The following RASSF3 variants were observed in gnomAD, a reference collection of about 807,000 sequenced individuals.
RASSF3 encodes the protein Ras association domain family member 3.
In RASSF3, 19 loss-of-function variants were observed where a neutral mutation model predicts 19.9. That is an observed-to-expected ratio of 0.96 (90% CI 0.67 to 1.40). The LOEUF (loss-of-function observed/expected upper bound fraction) is 1.40. Ranked by LOEUF, RASSF3 falls within the 40% of genes most tolerant of loss-of-function variation. RASSF3 has a pLI of 0.00. For missense variants in RASSF3, 306 were observed against 289.8 expected (o/e 1.06, Z -0.41); for synonymous variants, 110 against 104.2 (o/e 1.06, Z -0.34).
intron 2 of RASSF3, among the ~76,000 whole-genome samples, chr12:64,553,643 CT>C: frequency 6.6e-6 from 1 of 152,126 alleles, no homozygotes; most frequent in East Asian, 1.9e-4. Flanking sequence ...CATCCAGCCT[CT>C]ACGTAAGCAT....
intron 2 of RASSF3, among the ~76,000 whole-genome samples, chr12:64,579,916 G>A (rs1869662656): frequency 1.3e-5 from 2 of 151,160 alleles, no homozygotes; most frequent in Admixed American, 6.6e-5. Context: ...CTGGGTTCAA[G>A]AGATTCTCCT....
At chr12:64,586,425 G>A (rs1869801591) in intron 2 of RASSF3, among the ~76,000 whole-genome samples, 1 of 143,332 alleles carries the variant, frequency 7.0e-6, no homozygotes, top group Admixed American at 7.3e-5. Context: ...GGGAGGCAGA[G>A]GTTGCAGTGA....
chr12:64,573,913 A>G (rs1869556709), intron 2 of RASSF3, among the ~76,000 whole-genome samples: 1 of 152,196 alleles, frequency 6.6e-6, no homozygotes, highest in Non-Finnish European at 1.5e-5. Context: ...CAGGCTGCCC[A>G]CCACAGCAAG....
intron 1 of RASSF3, among the ~76,000 whole-genome samples, chr12:64,673,340 C>G (rs1225132509): frequency 1.3e-5 from 2 of 152,190 alleles, no homozygotes; most frequent in Non-Finnish European, 2.9e-5. Flanking sequence ...CTCCTGGCTT[C>G]TTGGCAATCG....
intron 2 of RASSF3, among the ~76,000 whole-genome samples, chr12:64,604,453 A>G (rs1870150099): frequency 6.6e-6 from 1 of 151,334 alleles, no homozygotes; most frequent in South Asian, 2.1e-4. Context: ...CCACATACTT[A>G]ACAACCAAAC....
intron 2 of RASSF3, among the ~76,000 whole-genome samples, chr12:64,573,550 T>A (rs980029957): frequency 1.1e-4 from 17 of 152,182 alleles, no homozygotes; most frequent in Non-Finnish European, 2.1e-4. Flanking sequence ...ATGTTTTACC[T>A]CCATTTATAA....
At chr12:64,640,734 C>G (rs540374430) in intron 1 of RASSF3, among the ~76,000 whole-genome samples, 1 of 152,188 alleles carries the variant, frequency 6.6e-6, no homozygotes, top group African/African-American at 2.4e-5. Flanking sequence ...CCTCAACCTC[C>G]CGGGCCCAAG....
intron 1 of RASSF3, among the ~76,000 whole-genome samples, chr12:64,640,194 A>G (rs947257217): frequency 6.6e-6 from 1 of 152,142 alleles, no homozygotes; most frequent in Non-Finnish European, 1.5e-5. Flanking sequence ...ACCTGTACAT[A>G]TTTAATATAT....
upstream of RASSF3, among the ~76,000 whole-genome samples, chr12:64,532,910 G>C (rs1020020910): frequency 1.3e-5 from 2 of 152,182 alleles, no homozygotes; most frequent in Admixed American, 6.5e-5. Context: ...TGGAAGCACA[G>C]AGAGGTTAAA....
Position 64,661,239 on chromosome 12 carries a change from G to A in RASSF3, c.112-23548G>A, listed in dbSNP as rs73321767. 7.0e-3 allele frequency among the ~76,000 whole-genome samples: 1,069 copies of A among 152,290 alleles called. 15 individuals are homozygous for A. Among genetic ancestry groups the A allele is most frequent in the African/African-American group, 0.025 (1,030 of 41,570 alleles). On this transcript the variant is annotated intron_variant, in intron 1 of 4. Coordinates refer to ENST00000542104, the MANE Select transcript of RASSF3 (RefSeq NM_178169.4). Reference sequence around the variant, plus strand: ...GCAGGTTCTTGGGCTGGGCATGGTGGCTGATGCCTGTAATCCCAGCACTTT... The same window carrying A: ...GCAGGTTCTTGGGCTGGGCATGGTGACTGATGCCTGTAATCCCAGCACTTT...
intron 1 of RASSF3, chr12:64,654,338 C>G (rs1469057763): frequency 6.6e-6 from 1 of 151,186 alleles, no homozygotes; most frequent in South Asian, 2.1e-4. Flanking sequence ...TTTTCTTTTG[C>G]TATTTTTAGT....
At chr12:64,668,617 A>G (rs892936674) in intron 1 of RASSF3, among the ~76,000 whole-genome samples, 1 of 151,052 alleles carries the variant, frequency 6.6e-6, no homozygotes. Context: ...ACCTCAGAAA[A>G]CATGGTGATT....
At chr12:64,652,910 T>A (rs1001237059) in intron 1 of RASSF3, among the ~76,000 whole-genome samples, 1 of 152,306 alleles carries the variant, frequency 6.6e-6, no homozygotes, top group African/African-American at 2.4e-5. Context: ...GTCTCACAGC[T>A]CTGGGGGCTA....
intron 2 of RASSF3, among the ~76,000 whole-genome samples, chr12:64,557,698 T>A (rs1236356667): frequency 6.6e-6 from 1 of 152,110 alleles, no homozygotes; most frequent in African/African-American, 2.4e-5. Context: ...CACAGAGACA[T>A]CTCTGATTTA....
At chr12:64,512,369 A>C (rs1206161871) in intron 1 of RASSF3, among the ~76,000 whole-genome samples, 1 of 152,086 alleles carries the variant, frequency 6.6e-6, no homozygotes, top group Non-Finnish European at 1.5e-5. Flanking sequence ...TTTAGTCCTA[A>C]CTACCCAGGA....
chr12:64,682,476 A>G (rs1226698745), intron 1 of RASSF3, among the ~76,000 whole-genome samples: 1 of 151,732 alleles, frequency 6.6e-6, no homozygotes, highest in Non-Finnish European at 1.5e-5. Context: ...CTGAGGCAGG[A>G]GAATGGCGTG....
chr12:64,557,799 T>G (rs535641162), intron 2 of RASSF3, among the ~76,000 whole-genome samples: 1 of 152,260 alleles, frequency 6.6e-6, no homozygotes, highest in African/African-American at 2.4e-5. Flanking sequence ...AGCCATGCTA[T>G]TGCATCCAGC....
At chr12:64,654,264 T>G (rs1872067813) in intron 1 of RASSF3, 1 of 152,016 alleles carries the variant, frequency 6.6e-6, no homozygotes, top group Admixed American at 6.6e-5. Context: ...AAGAGATTCT[T>G]CTGCCTCAGC....
chr12:64,657,520 A>G (rs961369679), intron 1 of RASSF3, among the ~76,000 whole-genome samples: 1 of 152,224 alleles, frequency 6.6e-6, no homozygotes, highest in Non-Finnish European at 1.5e-5. Context: ...GGACCAGGGT[A>G]TTTGGATTGT....
Sources: gnomAD v4.1 joint callset for allele counts (sites outside exome capture counted in the v4.1 genomes callset) on GRCh38, gnomAD v4.1.1 for gene constraint, MANE v1.5 for transcripts, NCBI Gene and HGNC (gene_info 2026-07-23, HGNC 2026-07-21) for gene names.